Variants in SNTG1 observed in about 807,000 individuals in gnomAD.
The protein encoded by SNTG1 is syntrophin gamma 1, also known as gamma-1-syntrophin.
In SNTG1, 39 loss-of-function variants were observed where a neutral mutation model predicts 74.7. The observed-to-expected ratio is 0.52, with a 90% CI of 0.40 to 0.68. SNTG1 has a LOEUF of 0.68. SNTG1 is among the 30% of genes least tolerant of loss of function. SNTG1 has a pLI of 0.00. For missense variants in SNTG1, 685 were observed against 609.5 expected (o/e 1.12, Z -1.30); for synonymous variants, 254 against 217.1 (o/e 1.17, Z -1.49).
intron 4 of SNTG1, among the ~76,000 whole-genome samples, chr8:50,425,877 C>T (rs2093157627): frequency 6.6e-6 from 1 of 152,114 alleles, no homozygotes; most frequent in South Asian, 2.1e-4. Context: ...AAGAAGCAAA[C>T]TGGACGAATT....
chr8:50,288,866 TCTC>T (rs1563849665), intron 2 of SNTG1, among the ~76,000 whole-genome samples: 1 of 152,172 alleles, frequency 6.6e-6, no homozygotes, highest in Non-Finnish European at 1.5e-5. Flanking sequence ...CAGTGTCTCT[TCTC>T]CTTAAAATAA....
At chr8:50,784,204 T>A (rs1230025915) in intron 18 of SNTG1, among the ~76,000 whole-genome samples, 2 of 152,282 alleles carry the variant, frequency 1.3e-5, no homozygotes, top group South Asian at 4.1e-4. Context: ...CTTACGTTTG[T>A]TTTACATATA....
At chr8:50,202,439 A>T (rs1170124415) in intron 2 of SNTG1, among the ~76,000 whole-genome samples, 1 of 152,046 alleles carries the variant, frequency 6.6e-6, no homozygotes, top group African/African-American at 2.4e-5. Flanking sequence ...GATATAATTG[A>T]AAGCATACAG....
At chr8:49,987,953 T>A (rs574877572) in intron 1 of SNTG1, among the ~76,000 whole-genome samples, 1 of 152,164 alleles carries the variant, frequency 6.6e-6, no homozygotes, top group Non-Finnish European at 1.5e-5. Flanking sequence ...CTACCTTTAA[T>A]GGCAAAAACT....
intron 13 of SNTG1, among the ~76,000 whole-genome samples, chr8:50,591,540 T>C (rs2130877913): frequency 6.6e-6 from 1 of 152,334 alleles, no homozygotes; most frequent in South Asian, 2.1e-4. Flanking sequence ...ATGTGCAACA[T>C]TTGTGTAAGG....
At chr8:50,669,589 C>T (rs1382268610) in intron 15 of SNTG1, among the ~76,000 whole-genome samples, 14 of 152,150 alleles carry the variant, frequency 9.2e-5, no homozygotes, top group Non-Finnish European at 1.8e-4. Context: ...CAGATGGACT[C>T]ACAGCCGAAT....
At chr8:49,979,665 C>A (rs1335736650) in intron 1 of SNTG1, among the ~76,000 whole-genome samples, 2 of 152,186 alleles carry the variant, frequency 1.3e-5, no homozygotes, top group African/African-American at 4.8e-5. Context: ...GGTTAAAAGG[C>A]CTGTCTCTGC....
chr8:50,366,479 T>C lies in SNTG1; in HGVS notation c.-27-27733T>C, dbSNP rs541221656. The stretch of plus-strand genomic sequence containing the variant: ...ATTCATAACAAGCCCCTTTCAACCA[T>C]AACCATGTTCATGAAAAATTCATAA... On this transcript the variant is annotated intron_variant, in intron 2 of 18. Coordinates refer to ENST00000642720, the MANE Select transcript of SNTG1 (RefSeq NM_018967.5). 4.6e-5 allele frequency among the ~76,000 whole-genome samples: 7 copies of C among 152,064 alleles called. No individual in the cohort carries two copies. In the South Asian group the frequency reaches 1.5e-3, roughly 32 times the overall value.
chr8:50,771,786 G>A (rs1261680965), intron 18 of SNTG1, among the ~76,000 whole-genome samples: 1 of 152,052 alleles, frequency 6.6e-6, no homozygotes, highest in Non-Finnish European at 1.5e-5. Flanking sequence ...TTGAAGTCCT[G>A]TGCTGCCTCA....
intron 2 of SNTG1, among the ~76,000 whole-genome samples, chr8:50,230,781 A>T (rs2085578640): frequency 1.3e-5 from 2 of 151,282 alleles, no homozygotes. Flanking sequence ...ATAAGACTGG[A>T]CACTGTAAAA....
chr8:50,554,935 G>C (rs1199258572), intron 12 of SNTG1, among the ~76,000 whole-genome samples: 1 of 151,940 alleles, frequency 6.6e-6, no homozygotes, highest in Non-Finnish European at 1.5e-5. Context: ...TCCTTATCTA[G>C]ATCCAAATTT....
intron 8 of SNTG1, among the ~76,000 whole-genome samples, chr8:50,499,100 T>C (rs995519660): frequency 6.6e-6 from 1 of 151,804 alleles, no homozygotes. Flanking sequence ...TTATCCTGGA[T>C]TTTTTAAATT....
chr8:49,969,419 T>C (rs1811451851), intron 1 of SNTG1, among the ~76,000 whole-genome samples: 1 of 111,778 alleles, frequency 8.9e-6, no homozygotes, highest in Non-Finnish European at 1.7e-5. Flanking sequence ...TTTTTTGAAA[T>C]GGACTCTCTC....
At chr8:49,975,756 CAT>C (rs745909018) in intron 1 of SNTG1, among the ~76,000 whole-genome samples, 6,031 of 149,018 alleles carry the variant, frequency 0.04, 399 homozygotes, top group African/African-American at 0.14. Context: ...ACTCACAAAA[CAT>C]ATATATATAT....
chr8:50,528,422 C>T (rs996885921), intron 9 of SNTG1, among the ~76,000 whole-genome samples: 4 of 151,820 alleles, frequency 2.6e-5, no homozygotes, highest in African/African-American at 4.8e-5. Flanking sequence ...TATATGCTTT[C>T]GTTCTTTAGC....
At chr8:49,927,838 C>A (rs1807167329) in intron 1 of SNTG1, among the ~76,000 whole-genome samples, 1 of 151,876 alleles carries the variant, frequency 6.6e-6, no homozygotes. Context: ...GACTTTGGGG[C>A]TGGGAGTGGT....
intron 2 of SNTG1, among the ~76,000 whole-genome samples, chr8:50,209,104 C>G (rs1036205015): frequency 6.6e-6 from 1 of 152,150 alleles, no homozygotes; most frequent in Non-Finnish European, 1.5e-5. Flanking sequence ...GGTCCCACAC[C>G]CATGGAGCCT....
intron 11 of SNTG1, among the ~76,000 whole-genome samples, chr8:50,546,662 T>C (rs775895169): frequency 1.3e-5 from 2 of 152,082 alleles, no homozygotes; most frequent in African/African-American, 4.8e-5. Context: ...GGTAGTTTGC[T>C]GAGAATGATG....
At chr8:50,141,902 A>G (rs1203542733) in intron 1 of SNTG1, among the ~76,000 whole-genome samples, 1 of 152,132 alleles carries the variant, frequency 6.6e-6, no homozygotes. Context: ...AGCTGGGCAT[A>G]TATATGTGTG....
Sources: gnomAD v4.1 joint callset for allele counts (sites outside exome capture counted in the v4.1 genomes callset) on GRCh38, gnomAD v4.1.1 for gene constraint, MANE v1.5 for transcripts, NCBI Gene and HGNC (gene_info 2026-07-23, HGNC 2026-07-21) for gene names.